ZNF470: variants seen among roughly 807,000 people sequenced by gnomAD.
The protein encoded by ZNF470 is zinc finger protein 470.
Under a neutral mutation model 13.9 loss-of-function variants are expected in ZNF470, and 13 were observed. The observed-to-expected ratio is 0.94, with a 90% confidence interval of 0.61 to 1.49. The LOEUF (loss-of-function observed/expected upper bound fraction) is 1.49, where lower values mean the gene tolerates loss of function less well. Among genes scored for constraint, ZNF470 ranks in the 40% most tolerant of loss-of-function variants. The probability of loss-of-function intolerance (pLI) is 0.00; values close to 1 mark genes in which losing one functional copy is unlikely to be tolerated. For missense variants in ZNF470, 929 were observed against 857.3 expected (o/e 1.08, Z -1.04); for synonymous variants, 293 against 282.9 (o/e 1.04, Z -0.36).
Position 56,578,365 on chromosome 19 carries a change from G to T in ZNF470, c.1936G>T (p.Glu646Ter). Residue 646 changes from glutamate (E) to a stop codon, truncating the protein, a stop_gained, in exon 6 of 6, where the codon GAG (glutamate) becomes TAG (stop). Coordinates refer to ENST00000330619, the MANE Select transcript of ZNF470 (RefSeq NM_001001668.4). LOFTEE classifies it low-confidence loss of function (END_TRUNC). ...LTLHQRIHTG[E>*]KPYECKECSK... ...TCTGCATCAGAGAATTCATACAGGAGAGAAACCTTATGAGTGTAAGGAATG... is the reference window on the plus strand; with the variant it reads ...TCTGCATCAGAGAATTCATACAGGATAGAAACCTTATGAGTGTAAGGAATG... 4 of 1,612,070 alleles carry T rather than the reference G, an allele frequency of 2.5e-6. No homozygotes were observed. The highest frequency in any genetic ancestry group is 3.4e-6 in the Non-Finnish European group (4 of 1,178,940).
chr19:56,569,367 A>G (rs764410951), intron 2 of ZNF470, among the ~76,000 whole-genome samples: 2 of 152,178 alleles, frequency 1.3e-5, no homozygotes, highest in South Asian at 2.1e-4. Flanking sequence ...AACGAAAGGA[A>G]TGCCTCTCTC....
chr19:56,569,618 A>C (rs1056642778), intron 2 of ZNF470, among the ~76,000 whole-genome samples: 1 of 152,104 alleles, frequency 6.6e-6, no homozygotes, highest in Non-Finnish European at 1.5e-5. Flanking sequence ...ATTCTGTTTG[A>C]AGATTTTGGA....
chr19:56,567,986 C>A lies in ZNF470; in HGVS notation c.-211C>A, dbSNP rs2044423734. On this transcript the variant is annotated 5_prime_UTR_variant, in exon 1 of 6. Transcript: ENST00000330619. The stretch of plus-strand genomic sequence containing the variant: ...GGAAGGGGCAGAGCCCAGGACAGGG[C>A]TCCATGTCCACAGGACGGCGAGGAG... 1.6e-5 allele frequency: 16 copies of A among 985,470 alleles called. No homozygotes were observed. Among genetic ancestry groups the A allele is most frequent in the Non-Finnish European group, 1.9e-5 (16 of 830,070 alleles). The allele number at this position is 985,470 out of a possible 1,614,324, so 61.0% of individuals were successfully genotyped here. A position where few individuals can be genotyped will look rare whatever the true frequency, so the allele number is the denominator to read the frequency against.
rs2044512659 is a variant in ZNF470, at chr19:56,578,663, A to G, written c.*80A>G. 5.2e-6 allele frequency: 7 copies of G among 1,351,328 alleles called. No individual in the cohort carries two copies. Among genetic ancestry groups the G allele is most frequent in the Non-Finnish European group, 4.8e-6 (5 of 1,046,430 alleles). The allele number at this position is 1,351,328 out of a possible 1,614,324, so 83.7% of individuals were successfully genotyped here. Reference sequence around the variant, plus strand: ...CATCATCATAGTCCAAGACGCAACCATCTCATCTGGATTTCTGCAGTAGCA... The same window carrying G: ...CATCATCATAGTCCAAGACGCAACCGTCTCATCTGGATTTCTGCAGTAGCA... On this transcript the variant is annotated 3_prime_UTR_variant, in exon 6 of 6. Coordinates refer to ENST00000330619, the MANE Select transcript of ZNF470 (RefSeq NM_001001668.4).
rs751392106 is a variant in ZNF470 at position 56,576,812 on chromosome 19, A to G, written c.383A>G (p.Tyr128Cys). ...ATCATAATGGAAAGACTTAAAAGCT[A>G]TGACCTTGAATGTTCAACATTAGGG... ...PAIIMERLKS[Y>C]DLECSTLGKN... The change falls in exon 6 of 6, where the codon TAT becomes TGT. Residue 128 changes from tyrosine (Y) to cysteine (C), a missense_variant. Physicochemically the swap from Tyr to Cys is radical, Grantham distance 194 (BLOSUM62 -2). Transcript: ENST00000330619. 7 of 1,580,544 alleles carry G rather than the reference A, an allele frequency of 4.4e-6. No homozygotes were observed. In the African/African-American group the frequency reaches 6.9e-5, roughly 16 times the overall value.
chr19:56,575,827 A>T (rs558712914), intron 5 of ZNF470, among the ~76,000 whole-genome samples: 1 of 152,218 alleles, frequency 6.6e-6, no homozygotes, highest in Admixed American at 6.5e-5. Context: ...TTGTGGTCCT[A>T]TGTACATTAA....
intron 1 of ZNF470, 95 bp downstream of exon 1, chr19:56,568,133 C>G (rs1468069253): frequency 1.0e-6 from 1 of 984,948 alleles, no homozygotes; most frequent in African/African-American, 1.7e-5. Context: ...AGGATGTCCC[C>G]CGTTTCTAAG....
In ZNF470 at chr19:56,581,933, C is replaced by G; in HGVS notation, c.*3350C>G. On this transcript the variant is annotated 3_prime_UTR_variant, in exon 6 of 6. Transcript: ENST00000330619. The stretch of plus-strand genomic sequence containing the variant: ...CCTTGGAACCACCCTGGTTTTTGTA[C>G]TTTCCAAGTCTGTGATTCCTCAAAC... 3 of 985,398 alleles carry G rather than the reference C, an allele frequency of 3.0e-6. No homozygotes were observed. Among genetic ancestry groups the G allele is most frequent in the Non-Finnish European group, 3.6e-6 (3 of 829,918 alleles). The allele number at this position is 985,398 out of a possible 1,614,324, so 61.0% of individuals were successfully genotyped here. A position where few individuals can be genotyped will look rare whatever the true frequency, so the allele number is the denominator to read the frequency against.
At position 56,573,978 on chromosome 19, in the gene ZNF470, T is replaced by C. The variant is rs2044472013; in HGVS notation, c.61-416T>C. On this transcript the variant is annotated intron_variant, in intron 3 of 5. Coordinates refer to ENST00000330619, the MANE Select transcript of ZNF470 (RefSeq NM_001001668.4). ...AATATTGTGGAGATTGAAATCATGT[T>C]CATCAGGTCAGCATCCTTCCTTGCA... The C allele has an allele frequency of 4.1e-6, 4 of 984,422 alleles. No homozygotes were observed. In the African/African-American group the frequency reaches 7.0e-5, roughly 17 times the overall value. The allele number at this position is 984,422 out of a possible 1,614,324, so 61.0% of individuals were successfully genotyped here.
rs368764705 is a variant in ZNF470 at position 56,578,146 on chromosome 19, G to A, written c.1717G>A (p.Ala573Thr). The change falls in exon 6 of 6, where the codon GCC becomes ACC. Residue 573 changes from alanine (A) to threonine (T), a missense_variant. Ala to Thr is a moderately conservative substitution (Grantham distance 58). Coordinates refer to ENST00000330619, the MANE Select transcript of ZNF470 (RefSeq NM_001001668.4). ...KPYECIECGK[A>T]FSDGSYLVQH... ...TTACGAATGTATTGAATGTGGGAAG[G>A]CCTTTAGTGATGGCTCATATCTTGT... The A allele has an allele frequency of 1.9e-6, 3 of 1,614,068 alleles. No homozygotes were observed. Among genetic ancestry groups the A allele is most frequent in the South Asian group, 1.1e-5 (1 of 91,078 alleles).
At position 56,577,857 on chromosome 19, in the gene ZNF470, T is replaced by C. The variant is rs138257907; in HGVS notation, c.1428T>C (p.Thr476=). Residue 476 remains threonine, a synonymous_variant, in exon 6 of 6, where the codon ACT becomes ACC. Coordinates refer to ENST00000330619, the MANE Select transcript of ZNF470 (RefSeq NM_001001668.4). ...GSLTLHQRVH[T]GEKPYECKEC... The stretch of plus-strand genomic sequence containing the variant: ...TTACTCTTCATCAGAGAGTTCATAC[T>C]GGAGAGAAACCCTATGAATGTAAAG... 1.7e-4 allele frequency: 272 copies of C among 1,613,774 alleles called. No homozygotes were observed. Among genetic ancestry groups the C allele is most frequent in the Non-Finnish European group, 2.2e-4 (256 of 1,179,944 alleles).
In ZNF470 at chr19:56,580,170, T is replaced by A; in HGVS notation, c.*1587T>A. ...CCCAGAACATGTTGGTATTAGAGGA[T>A]GAGGGAAGAACTAGAGGTAACTGTG... On this transcript the variant is annotated 3_prime_UTR_variant, in exon 6 of 6. Transcript: ENST00000330619. The A allele has an allele frequency of 1.0e-6, 1 of 980,714 alleles. No individual in the cohort carries two copies. Among genetic ancestry groups the A allele is most frequent in the Non-Finnish European group, 1.2e-6 (1 of 828,866 alleles). The allele number at this position is 980,714 out of a possible 1,614,324, so 60.8% of individuals were successfully genotyped here. A position where few individuals can be genotyped will look rare whatever the true frequency, so the allele number is the denominator to read the frequency against.
In ZNF470 at chr19:56,579,327, CAGG is replaced by C. The variant is rs66470107; in HGVS notation, c.*749_*751del. 0.038 allele frequency: 24,413 copies of C among 648,238 alleles called. 3,459 individuals are homozygous for C. The highest frequency in any genetic ancestry group is 0.35 in the African/African-American group (17,476 of 50,246). 40.2% of individuals were successfully genotyped at this position (648,238 alleles called of 1,614,324 possible). ...GTCCTAGCTACTCAGGAGGCTGAAG[CAGG>C]AGGATTGCTTGAGCCCAGGAGGTAG... On this transcript the variant is annotated 3_prime_UTR_variant, in exon 6 of 6. Coordinates refer to ENST00000330619, the MANE Select transcript of ZNF470 (RefSeq NM_001001668.4).
Position 56,578,551 on chromosome 19 carries a change from T to C in ZNF470, c.2122T>C (p.Ser708Pro), listed in dbSNP as rs1195592470. Residue 708 changes from serine to proline, a missense_variant, in exon 6 of 6, where the codon TCC (serine) becomes CCC (proline). Transcript: ENST00000330619. ...IHTGESSVIL[S>P]SALPYHQVL is the part of the protein sequence containing the mutation. ...TACCGGAGAGTCATCAGTTATTCTC[T>C]CCTCTGCCCTCCCATACCACCAAGT... The C allele has an allele frequency of 2.6e-6, 4 of 1,560,632 alleles. No individual in the cohort carries two copies. The highest frequency in any genetic ancestry group is 2.2e-5 in the East Asian group (1 of 44,454).
In ZNF470 at chr19:56,580,548, A is replaced by G. The variant is rs556964546; in HGVS notation, c.*1965A>G. The G allele has an allele frequency of 6.6e-6, 1 of 152,256 alleles. No individual in the cohort carries two copies. The highest frequency in any genetic ancestry group is 6.5e-5 in the Admixed American group (1 of 15,274). 9.4% of individuals were successfully genotyped at this position (152,256 alleles called of 1,614,324 possible). ...AATTTTAGAACATTTTCATCACCTC[A>G]AAGAGGAATCCCTTGTCCTTTTGTA... On this transcript the variant is annotated 3_prime_UTR_variant, in exon 6 of 6. Transcript: ENST00000330619.
At chr19:56,571,808 G>T (rs1401022382) in intron 3 of ZNF470, among the ~76,000 whole-genome samples, 1 of 149,874 alleles carries the variant, frequency 6.7e-6, no homozygotes, top group Non-Finnish European at 1.5e-5. Flanking sequence ...AGTAGAGATG[G>T]GGTTTCACCA....
intron 2 of ZNF470, among the ~76,000 whole-genome samples, chr19:56,570,003 T>TAC (rs3971683): frequency 0.78 from 117,180 of 151,002 alleles, 46,268 homozygotes; most frequent in African/African-American, 0.93. Flanking sequence ...AAAAAAAATG[T>TAC]ACACACACAC....
chr19:56,579,596 T>C lies in ZNF470; in HGVS notation c.*1013T>C, dbSNP rs2044520219. 3.0e-6 allele frequency: 3 copies of C among 985,442 alleles called. No homozygotes were observed. The highest frequency in any genetic ancestry group is 3.6e-6 in the Non-Finnish European group (3 of 829,938). The allele number at this position is 985,442 out of a possible 1,614,324, so 61.0% of individuals were successfully genotyped here. A position where few individuals can be genotyped will look rare whatever the true frequency, so the allele number is the denominator to read the frequency against. On this transcript the variant is annotated 3_prime_UTR_variant, in exon 6 of 6. Transcript: ENST00000330619. ...AAAGTACCACAGACAATTCGTGTGG[T>C]ATTTAAATTGTTCTAGCATAAAATA... is the stretch of plus-strand genomic sequence containing the variant.
intron 2 of ZNF470, among the ~76,000 whole-genome samples, chr19:56,569,627 G>A (rs2044435829): frequency 6.6e-6 from 1 of 152,102 alleles, no homozygotes; most frequent in African/African-American, 2.4e-5. Context: ...GAAGATTTTG[G>A]AGATTTAAAG....
Sources: allele counts gnomAD v4.1 joint callset (sites outside exome capture counted in the v4.1 genomes callset), GRCh38; gene constraint gnomAD v4.1.1; transcripts MANE v1.5; gene names NCBI Gene and HGNC (gene_info 2026-07-23, HGNC 2026-07-21).